ASAP1: variants seen among roughly 807,000 people sequenced by gnomAD.
The protein encoded by ASAP1 is ArfGAP with SH3 domain, ankyrin repeat and PH domain 1.
ASAP1 carries 43 observed loss-of-function variants against 145.2 expected under a neutral mutation model. The observed-to-expected ratio is 0.30, with a 90% confidence interval of 0.23 to 0.38. The LOEUF (loss-of-function observed/expected upper bound fraction) is 0.38. Among genes scored for constraint, ASAP1 ranks in the 10% least tolerant of loss-of-function variants. ASAP1 has a pLI of 1.00. For synonymous variants in ASAP1, 546 were observed against 515.5 expected (o/e 1.06, Z -0.80); for missense variants, 1,018 against 1,355.3 (o/e 0.75, Z 3.91).
intron 5 of ASAP1, among the ~76,000 whole-genome samples, chr8:130,189,635 T>C (rs181890444): frequency 1.3e-5 from 2 of 152,334 alleles, no homozygotes; most frequent in Admixed American, 6.5e-5. Context: ...GGTTATCTTG[T>C]TGATACACTG....
intron 25 of ASAP1, among the ~76,000 whole-genome samples, chr8:130,088,045 G>A (rs1368863250): frequency 2.0e-5 from 3 of 152,156 alleles, no homozygotes; most frequent in East Asian, 1.9e-4. Context: ...CAAAGTTATC[G>A]AGTCCTGATC....
chr8:130,077,885 A>T (rs1191742447), intron 26 of ASAP1, among the ~76,000 whole-genome samples: 1 of 152,166 alleles, frequency 6.6e-6, no homozygotes, highest in African/African-American at 2.4e-5. Flanking sequence ...AGTAAACATG[A>T]GAGGGCTTTG....
chr8:130,127,732 G>A (rs550990751), intron 16 of ASAP1, among the ~76,000 whole-genome samples, 195 bp downstream of exon 16: 2 of 152,228 alleles, frequency 1.3e-5, no homozygotes, highest in South Asian at 4.1e-4. Flanking sequence ...GAGCAAGAGG[G>A]GGCTTTCCAG....
Position 130,183,869 on chromosome 8 carries a change from C to G in ASAP1, c.531-2989G>C, listed in dbSNP as rs1213807760. ...ATTTAAAACTAAAGAGAGTCAAACGCCATCCCAGGATGGCAGCTGTACTGC... is the reference window on the plus strand; with the variant it reads ...ATTTAAAACTAAAGAGAGTCAAACGGCATCCCAGGATGGCAGCTGTACTGC... On this transcript the variant is annotated intron_variant, in intron 7 of 29. Coordinates refer to ENST00000518721, the MANE Select transcript of ASAP1 (RefSeq NM_018482.4). 2.6e-5 allele frequency among the ~76,000 whole-genome samples: 4 copies of G among 152,230 alleles called. No individual in the cohort carries two copies. In the East Asian group the frequency reaches 7.7e-4, roughly 29 times the overall value.
chr8:130,178,713 G>A (rs1814136343), intron 9 of ASAP1, among the ~76,000 whole-genome samples: 1 of 152,136 alleles, frequency 6.6e-6, no homozygotes, highest in Non-Finnish European at 1.5e-5. Flanking sequence ...GTGAGACCCA[G>A]TCTCTACTAA....
intron 11 of ASAP1, among the ~76,000 whole-genome samples, chr8:130,163,665 G>C (rs994931306): frequency 3.9e-5 from 6 of 152,124 alleles, no homozygotes; most frequent in Non-Finnish European, 1.5e-5. Context: ...TTTCTTTCCT[G>C]AGAAAGTAGA....
At chr8:130,292,228 G>C (rs1821989162) in intron 3 of ASAP1, among the ~76,000 whole-genome samples, 1 of 152,208 alleles carries the variant, frequency 6.6e-6, no homozygotes, top group Non-Finnish European at 1.5e-5. Context: ...ATGTATGAAG[G>C]ACCAACACAT....
intron 5 of ASAP1, among the ~76,000 whole-genome samples, chr8:130,200,191 ATG>A (rs1320130997): frequency 5.9e-5 from 9 of 152,224 alleles, no homozygotes; most frequent in African/African-American, 2.2e-4. Flanking sequence ...TAATCATGAG[ATG>A]TGTAGAGATT....
intron 24 of ASAP1, among the ~76,000 whole-genome samples, chr8:130,096,268 T>C (rs1004289998): frequency 2.6e-5 from 4 of 152,190 alleles, no homozygotes; most frequent in Non-Finnish European, 4.4e-5. Flanking sequence ...TTAAAAGGGA[T>C]CTTTTATGCA....
At chr8:130,327,559 G>A (rs150783983) in intron 3 of ASAP1, among the ~76,000 whole-genome samples, 18 of 152,242 alleles carry the variant, frequency 1.2e-4, no homozygotes, top group African/African-American at 4.1e-4. Context: ...CTACTGAGAC[G>A]GGTAAAGAAG....
chr8:130,300,186 A>AGAGAGAGAGAGAGC (rs1565186230), intron 3 of ASAP1, among the ~76,000 whole-genome samples: 17 of 146,122 alleles, frequency 1.2e-4, no homozygotes, highest in African/African-American at 3.8e-4. Context: ...AGAGAGAGAG[A>AGAGAGAGAGAGAGC]GCGAGCGAGC....
At chr8:130,160,815 G>GA in intron 11 of ASAP1, 1 of 1,279,884 alleles carries the variant, frequency 7.8e-7, no homozygotes, top group Non-Finnish European at 1.0e-6. Context: ...AAGGGCAAAA[G>GA]AAACAGAGAA....
chr8:130,077,123 T>A (rs920096868), intron 26 of ASAP1, among the ~76,000 whole-genome samples: 1 of 152,196 alleles, frequency 6.6e-6, no homozygotes, highest in African/African-American at 2.4e-5. Context: ...AAGTGGAAAT[T>A]CGGCCCTAGC....
chr8:130,210,303 T>C (rs1414239491), intron 5 of ASAP1, among the ~76,000 whole-genome samples: 1 of 152,164 alleles, frequency 6.6e-6, no homozygotes. Flanking sequence ...TTTGAGAAAA[T>C]AGTTATTTTT....
In ASAP1 at chr8:130,092,797, C is replaced by A. The variant is rs1247274051; in HGVS notation, c.2402-654G>T. Among the ~76,000 whole-genome samples the A allele has an allele frequency of 2.6e-5, 4 of 152,204 alleles. No individual in the cohort carries two copies. The East Asian group carries it at 7.7e-4, about 29-fold the overall frequency. On this transcript the variant is annotated intron_variant, in intron 24 of 29. Transcript: ENST00000518721. ...CTGAAGGAGAAATCACACACCACTA[C>A]CAGCAAAATCAACAGAGAAAGAACA...
rs116354007 is a variant in ASAP1 at position 130,266,144 on chromosome 8, A to G, written c.187-29150T>C. ...CTTGAGGGACTACAATCTCAATGAAAGGTGAACTAGGGAAGAGAAAAATCC... is the reference window on the plus strand; with the variant it reads ...CTTGAGGGACTACAATCTCAATGAAGGGTGAACTAGGGAAGAGAAAAATCC... On this transcript the variant is annotated intron_variant, in intron 3 of 29. Coordinates refer to ENST00000518721, the MANE Select transcript of ASAP1 (RefSeq NM_018482.4). Among the ~76,000 whole-genome samples, 1,033 of 152,296 alleles carry G rather than the reference A, an allele frequency of 6.8e-3. 13 individuals carry two copies. Among genetic ancestry groups the G allele is most frequent in the African/African-American group, 0.024 (997 of 41,558 alleles).
intron 5 of ASAP1, among the ~76,000 whole-genome samples, chr8:130,205,289 C>A (rs1032663255): frequency 2.1e-5 from 3 of 141,884 alleles, no homozygotes; most frequent in African/African-American, 2.6e-5. Flanking sequence ...GTGCTATGAA[C>A]AACATGCAAA....
rs772767765 is a variant in ASAP1 at position 130,124,068 on chromosome 8, T to C, written c.1552A>G (p.Ile518Val). Residue 518 changes from isoleucine to valine, a missense_variant, in exon 18 of 30, where the codon ATT (isoleucine) becomes GTT (valine). Ile to Val is a conservative substitution (Grantham distance 29, BLOSUM62 3). Transcript: ENST00000518721. ...GGGCTGGGTAAATTTGCTTCCATAA[T>C]ATCATTAAAACTATTGTTTCCTACA... Reference protein sequence around the residue: ...KNVGNNSFNDIMEANLPSPSP... With the variant: ...KNVGNNSFNDVMEANLPSPSP... The C allele has an allele frequency of 1.9e-6, 3 of 1,608,084 alleles. No individual in the cohort carries two copies. The highest frequency in any genetic ancestry group is 1.3e-5 in the African/African-American group (1 of 74,544).
intron 1 of ASAP1, among the ~76,000 whole-genome samples, chr8:130,439,286 T>A (rs771687675): frequency 2.6e-5 from 4 of 152,312 alleles, no homozygotes; most frequent in African/African-American, 9.6e-5. Flanking sequence ...CATCCTCTGC[T>A]AACACCTTGA....
Sources: allele counts gnomAD v4.1 joint callset (sites outside exome capture counted in the v4.1 genomes callset), GRCh38; gene constraint gnomAD v4.1.1; transcripts MANE v1.5; gene names NCBI Gene and HGNC (gene_info 2026-07-23, HGNC 2026-07-21).